The following RNF150 variants were observed in gnomAD, a reference collection of about 807,000 sequenced individuals.
RNF150 encodes the protein ring finger protein 150.
A neutral mutation model predicts 39.3 loss-of-function variants in RNF150; 24 were observed. That is an observed-to-expected ratio of 0.61 (90% CI 0.44 to 0.86). The LOEUF is 0.86. Among genes scored for constraint, RNF150 ranks in the 40% least tolerant of loss-of-function variants. The pLI, the probability that RNF150 is intolerant of heterozygous loss-of-function variation, is 0.00. For missense variants in RNF150, 502 were observed against 587.8 expected (o/e 0.85, Z 1.51); for synonymous variants, 255 against 227.3 (o/e 1.12, Z -1.10).
intron 1 of RNF150, among the ~76,000 whole-genome samples, chr4:140,980,018 C>A (rs1359000152): frequency 6.6e-6 from 1 of 151,988 alleles, no homozygotes; most frequent in South Asian, 2.1e-4. Flanking sequence ...TGGGAAAAAT[C>A]ACAATGAATC....
chr4:141,188,666 C>T (rs1361710733), intron 1 of RNF150, among the ~76,000 whole-genome samples: 2 of 152,138 alleles, frequency 1.3e-5, no homozygotes, highest in African/African-American at 2.4e-5. Context: ...GTACACTTCA[C>T]GAAGGTCTCA....
chr4:141,053,640 C>A (rs781558766), intron 1 of RNF150: 3 of 1,184,306 alleles, frequency 2.5e-6, no homozygotes, highest in Non-Finnish European at 3.3e-6. Flanking sequence ...CTGAGTGAAG[C>A]GTGCATTTTA....
chr4:141,197,286 A>C (rs750753796), intron 1 of RNF150, among the ~76,000 whole-genome samples: 4 of 152,210 alleles, frequency 2.6e-5, no homozygotes, highest in South Asian at 2.1e-4. Context: ...GCAATAACAA[A>C]TTTAGTTTTA....
intron 1 of RNF150, among the ~76,000 whole-genome samples, chr4:141,031,654 TCAA>T (rs1735950285): frequency 6.6e-6 from 1 of 152,016 alleles, no homozygotes; most frequent in African/African-American, 2.4e-5. Context: ...ATAAAAATGC[TCAA>T]CATCACTAAT....
intron 6 of RNF150, among the ~76,000 whole-genome samples, chr4:140,904,820 G>A (rs975506036): frequency 6.6e-6 from 1 of 152,106 alleles, no homozygotes; most frequent in Non-Finnish European, 1.5e-5. Context: ...CAGGTCTACA[G>A]GCATTTACAA....
At chr4:140,910,385 T>C (rs1730545991) in intron 6 of RNF150, among the ~76,000 whole-genome samples, 1 of 152,222 alleles carries the variant, frequency 6.6e-6, no homozygotes, top group Non-Finnish European at 1.5e-5. Context: ...CTGAAGCTTT[T>C]ATCTCTTATA....
chr4:141,088,394 G>A (rs564219939), intron 1 of RNF150, among the ~76,000 whole-genome samples: 2 of 152,174 alleles, frequency 1.3e-5, no homozygotes, highest in African/African-American at 2.4e-5. Context: ...ACTTGAAGGA[G>A]AAACTGGGCT....
intron 1 of RNF150, among the ~76,000 whole-genome samples, chr4:141,197,401 G>A (rs1159661438): frequency 6.6e-6 from 1 of 151,956 alleles, no homozygotes; most frequent in South Asian, 2.1e-4. Context: ...AAGATAAATG[G>A]CACTTAATGT....
intron 2 of RNF150, among the ~76,000 whole-genome samples, chr4:140,958,552 C>G (rs1257094793): frequency 6.6e-6 from 1 of 152,162 alleles, no homozygotes; most frequent in African/African-American, 2.4e-5. Flanking sequence ...TTCATTCTAT[C>G]AACTGTTCCT....
intron 1 of RNF150, among the ~76,000 whole-genome samples, chr4:141,022,574 A>T (rs1256453956): frequency 6.6e-6 from 1 of 152,150 alleles, no homozygotes; most frequent in Non-Finnish European, 1.5e-5. Flanking sequence ...GCAAGTTAAA[A>T]ACTCCAGTAT....
intron 1 of RNF150, among the ~76,000 whole-genome samples, chr4:141,065,230 T>A (rs1016337681): frequency 6.6e-6 from 1 of 152,182 alleles, no homozygotes. Flanking sequence ...AGCTTGCTTG[T>A]CTACAATCAG....
chr4:141,041,799 G>A (rs1373956365), intron 1 of RNF150, among the ~76,000 whole-genome samples: 1 of 151,890 alleles, frequency 6.6e-6, no homozygotes, highest in African/African-American at 2.4e-5. Context: ...GTAAATGAAC[G>A]GTAAAAGTAA....
At chr4:141,107,676 C>T (rs970617804) in intron 1 of RNF150, among the ~76,000 whole-genome samples, 7 of 152,144 alleles carry the variant, frequency 4.6e-5, no homozygotes, top group African/African-American at 7.2e-5. Context: ...GACAATGCTC[C>T]CATTCCACAT....
chr4:140,890,190 A>AT (rs1729710664), intron 6 of RNF150, among the ~76,000 whole-genome samples: 1 of 152,172 alleles, frequency 6.6e-6, no homozygotes, highest in South Asian at 2.1e-4. Context: ...TTGTGTTAGC[A>AT]TTTTTTATAC....
chr4:140,871,631 G>A (rs1230164540), intron 6 of RNF150, among the ~76,000 whole-genome samples: 1 of 151,704 alleles, frequency 6.6e-6, no homozygotes, highest in Non-Finnish European at 1.5e-5. Flanking sequence ...ACTTTCATAT[G>A]GGTCCAGCCA....
At chr4:140,951,859 C>T (rs959267186) in intron 2 of RNF150, among the ~76,000 whole-genome samples, 8 of 152,194 alleles carry the variant, frequency 5.3e-5, no homozygotes, top group African/African-American at 1.9e-4. Context: ...GTCAAGAACT[C>T]AGATATTTTT....
chr4:141,131,836 G>A (rs191017645), intron 1 of RNF150, among the ~76,000 whole-genome samples: 48 of 152,078 alleles, frequency 3.2e-4, no homozygotes, highest in African/African-American at 1.2e-3. Context: ...AACCCAAAAG[G>A]GGAAACTCTC....
intron 1 of RNF150, among the ~76,000 whole-genome samples, chr4:140,989,412 G>T (rs1253342621): frequency 6.6e-6 from 1 of 152,038 alleles, no homozygotes; most frequent in Non-Finnish European, 1.5e-5. Context: ...ACTACTTCTG[G>T]GAGCTGGCCA....
At chr4:141,012,394 C>T (rs184781725) in intron 1 of RNF150, among the ~76,000 whole-genome samples, 1 of 152,228 alleles carries the variant, frequency 6.6e-6, no homozygotes, top group Non-Finnish European at 1.5e-5. Context: ...GGGCCTCCCC[C>T]ACTTTGTACT....
Sources: gnomAD v4.1 joint callset for allele counts (sites outside exome capture counted in the v4.1 genomes callset) on GRCh38, gnomAD v4.1.1 for gene constraint, MANE v1.5 for transcripts, NCBI Gene and HGNC (gene_info 2026-07-23, HGNC 2026-07-21) for gene names.